The following SP7 variants were observed in gnomAD, a reference collection of about 807,000 sequenced individuals.
SP7 encodes transcription factor Sp7.
In SP7, 13 loss-of-function variants were observed where a neutral mutation model predicts 27.9. The observed-to-expected ratio is 0.47, with a 90% CI of 0.30 to 0.74. SP7 has a LOEUF of 0.74. Among genes scored for constraint, SP7 ranks in the 30% least tolerant of loss-of-function variants. The pLI is 0.06. For missense variants in SP7, 525 were observed against 558.0 expected, an observed-to-expected ratio of 0.94 and a Z score of 0.60; for synonymous variants, 219 against 226.7, an observed-to-expected ratio of 0.97 and a Z score of 0.31.
At chr12:53,342,913 A>G (rs1944835960) in intron 1 of SP7, among the ~76,000 whole-genome samples, 1 of 151,904 alleles carries the variant, frequency 6.6e-6, no homozygotes, top group Middle Eastern at 3.4e-3. Context: ...AATCTAAGCC[A>G]GTGTTGGGGG....
intron 1 of SP7, among the ~76,000 whole-genome samples, chr12:53,343,332 C>G (rs541712943): frequency 6.6e-6 from 1 of 152,212 alleles, no homozygotes; most frequent in South Asian, 2.1e-4. Context: ...AAGTTCTAAT[C>G]AGCTATGCAA....
At chr12:53,329,941 C>T (rs1006897428) in intron 2 of SP7, among the ~76,000 whole-genome samples, 1 of 152,150 alleles carries the variant, frequency 6.6e-6, no homozygotes, top group African/African-American at 2.4e-5. Flanking sequence ...GCCATGTTGA[C>T]CAGACTGGTC....
At chr12:53,332,555 G>C (rs1345873499) in intron 2 of SP7, among the ~76,000 whole-genome samples, 2 of 152,076 alleles carry the variant, frequency 1.3e-5, no homozygotes, top group Non-Finnish European at 2.9e-5. Flanking sequence ...TGCAGCCTGG[G>C]CAACACAGCA....
At position 53,326,866 on chromosome 12, in the gene SP7, T is replaced by C. The variant is rs533217329; in HGVS notation, c.*1280A>G. ...CCTCTGTCCTCCTAGCTCTTTAAGT[T>C]CTTTCTCAGGGCTTCTAGGCACCAG... On this transcript the variant is annotated 3_prime_UTR_variant, in exon 3 of 3. Coordinates refer to ENST00000536324, the MANE Select transcript of SP7 (RefSeq NM_001173467.3). 2 of 152,408 alleles carry C rather than the reference T, an allele frequency of 1.3e-5. No homozygotes were observed. The highest frequency in any genetic ancestry group is 1.3e-4 in the Admixed American group (2 of 15,302). 9.4% of individuals were successfully genotyped at this position (152,408 alleles called of 1,614,324 possible).
intron 1 of SP7, among the ~76,000 whole-genome samples, chr12:53,343,052 T>TA (rs1274372331): frequency 6.6e-6 from 1 of 151,220 alleles, no homozygotes; most frequent in Admixed American, 6.6e-5. Context: ...TCCCAGCACT[T>TA]TGGGAGGCTG....
chr12:53,342,369 C>G (rs1443383741), intron 1 of SP7, among the ~76,000 whole-genome samples: 1 of 152,246 alleles, frequency 6.6e-6, no homozygotes, highest in Non-Finnish European at 1.5e-5. Flanking sequence ...AAAGAACATT[C>G]TTTCATTCAA....
Position 53,328,230 on chromosome 12 carries a change from C to G in SP7, c.1212G>C (p.Gln404His), listed in dbSNP as rs2136833254. The change falls in exon 3 of 3, where the codon CAG becomes CAC. Residue 404 changes from glutamine (Q) to histidine (H), a missense_variant. Coordinates refer to ENST00000536324, the MANE Select transcript of SP7 (RefSeq NM_001173467.3). This position sits in a 1 kb window ranked among gnomAD's most constrained non-coding sequence, Gnocchi z 5.1. ...GRSTGEEEAS[Q>H]TPRPSASPAT... ...CTGGCGAGGCAGAAGGTCGGGGCGTCTGACTGGCCTCCTCTTCCCCCGTGC... is the reference window on the plus strand; with the variant it reads ...CTGGCGAGGCAGAAGGTCGGGGCGTGTGACTGGCCTCCTCTTCCCCCGTGC... The G allele has an allele frequency of 6.2e-7, 1 of 1,613,142 alleles. No individual in the cohort carries two copies. The highest frequency in any genetic ancestry group is 8.5e-7 in the Non-Finnish European group (1 of 1,179,576).
chr12:53,343,377 A>G (rs1048180103), intron 1 of SP7, among the ~76,000 whole-genome samples: 1 of 152,142 alleles, frequency 6.6e-6, no homozygotes, highest in Non-Finnish European at 1.5e-5. Context: ...AATATATGAG[A>G]ATACTCGTAT....
chr12:53,328,748 TG>T lies in SP7; in HGVS notation c.693del (p.Lys232ArgfsTer9). The stretch of plus-strand genomic sequence containing the variant: ...AGCTGCCCACTATTTCCCACTGCCT[TG>T]GGTTTATAGACATCTTGGGGCAAGA... ...QHVLPQDVYKPKAVGNSGQLE... is the reference protein window; with the variant it reads ...QHVLPQDVYKXKAVGNSGQLE... On this transcript the variant is annotated frameshift_variant, in exon 3 of 3. Coordinates refer to ENST00000536324, the MANE Select transcript of SP7 (RefSeq NM_001173467.3). LOFTEE classifies it high-confidence loss of function. This position sits in a 1 kb window ranked among gnomAD's most constrained non-coding sequence, Gnocchi z 5.1. The T allele has an allele frequency of 1.2e-6, 2 of 1,606,602 alleles. No homozygotes were observed. The highest frequency in any genetic ancestry group is 8.5e-7 in the Non-Finnish European group (1 of 1,174,584).
upstream of SP7, among the ~76,000 whole-genome samples, chr12:53,337,694 C>T (rs771322560): frequency 6.6e-5 from 10 of 152,088 alleles, 1 homozygote; most frequent in South Asian, 1.0e-3. Context: ...TGGAGGTCCA[C>T]GGAGGGTTGC....
At position 53,335,175 on chromosome 12, in the gene SP7, C is replaced by T. The variant is rs562593513; in HGVS notation, c.21+451G>A. On this transcript the variant is annotated intron_variant, in intron 2 of 2. Coordinates refer to ENST00000536324, the MANE Select transcript of SP7 (RefSeq NM_001173467.3). ...TGTCTGGGCTACGAGTCCCAGGAGA[C>T]GGGACCCCTAAAGAGCTATACCCAG... Among the ~76,000 whole-genome samples, 53 of 152,170 alleles carry T rather than the reference C, an allele frequency of 3.5e-4. 1 individual carries two copies. Among genetic ancestry groups the T allele is most frequent in the African/African-American group, 9.6e-4 (40 of 41,528 alleles).
chr12:53,328,591 G>C lies in SP7; in HGVS notation c.851C>G (p.Ala284Gly). ...GGGCTTCTTCCGCAGCCCAGCCGCT[G>C]CTGCTCCCAGCCGCTCTAGCTCCTG... ...NCQELERLGA[A>G]AAGLRKKPIH... Residue 284 changes from alanine to glycine, a missense_variant, in exon 3 of 3, where the codon GCA (alanine) becomes GGA (glycine). Ala to Gly is a moderately conservative substitution (Grantham distance 60). Transcript: ENST00000536324. This position sits in a 1 kb window ranked among gnomAD's most constrained non-coding sequence, Gnocchi z 5.1. 6.2e-7 allele frequency: 1 copy of C among 1,609,384 alleles called. No individual in the cohort carries two copies. The highest frequency in any genetic ancestry group is 8.5e-7 in the Non-Finnish European group (1 of 1,176,796).
chr12:53,337,078 A>G (rs549655552), upstream of SP7, among the ~76,000 whole-genome samples: 98 of 152,258 alleles, frequency 6.4e-4, 1 homozygote, highest in Admixed American at 1.8e-3. Flanking sequence ...GCCGACACCT[A>G]ACCTCTTTGG....
At chr12:53,341,069 A>C (rs969691267), upstream of SP7, among the ~76,000 whole-genome samples, 2 of 152,210 alleles carry the variant, frequency 1.3e-5, no homozygotes, top group Non-Finnish European at 2.9e-5. Flanking sequence ...AGCTTTTAAG[A>C]GGCTGGCAAC....
At chr12:53,329,762 G>A (rs1308342232) in intron 2 of SP7, among the ~76,000 whole-genome samples, 1 of 151,918 alleles carries the variant, frequency 6.6e-6, no homozygotes, top group Non-Finnish European at 1.5e-5. Context: ...ATGGAGTCTC[G>A]CTGTTGTCGC....
Position 53,335,712 on chromosome 12 carries a change from G to GT in SP7, c.-47-20_-47-19insA, listed in dbSNP as rs1466565239. On this transcript the variant is annotated intron_variant, in intron 1 of 2. Coordinates refer to ENST00000536324, the MANE Select transcript of SP7 (RefSeq NM_001173467.3). Reference sequence around the variant, plus strand: ...GAGAGAGCTGAGCCGGGGGGTGGGGGGGGTAGAGAGAGAAAAGGGAGAGGG... The same window carrying GT: ...GAGAGAGCTGAGCCGGGGGGTGGGGGTGGGTAGAGAGAGAAAAGGGAGAGGG... 7.4e-7 allele frequency: 1 copy of GT among 1,355,290 alleles called. No individual in the cohort carries two copies. The highest frequency in any genetic ancestry group is 1.5e-5 in the African/African-American group (1 of 66,332). The allele number at this position is 1,355,290 out of a possible 1,614,324, so 84.0% of individuals were successfully genotyped here.
chr12:53,326,732 G>A lies in SP7; in HGVS notation c.*1414C>T, dbSNP rs529062157. The A allele has an allele frequency of 2.6e-5, 4 of 152,658 alleles. No individual in the cohort carries two copies. The South Asian group carries it at 6.2e-4, about 24-fold the overall frequency. The allele number at this position is 152,658 out of a possible 1,614,324, so 9.5% of individuals were successfully genotyped here. ...AGGGGACAGAAAAGGAGGATCCAACGTTACAGGAAAGGCACGAAGCGGCTT... is the reference window on the plus strand; with the variant it reads ...AGGGGACAGAAAAGGAGGATCCAACATTACAGGAAAGGCACGAAGCGGCTT... On this transcript the variant is annotated 3_prime_UTR_variant, in exon 3 of 3. Coordinates refer to ENST00000536324, the MANE Select transcript of SP7 (RefSeq NM_001173467.3).
chr12:53,338,106 CGGAGGA>C (rs56061756), upstream of SP7, among the ~76,000 whole-genome samples: 2,375 of 136,250 alleles, frequency 0.017, 62 homozygotes, highest in African/African-American at 0.06. Flanking sequence ...TAGCCAGGTC[CGGAGGA>C]GGAGGAGGAG....
intron 2 of SP7, among the ~76,000 whole-genome samples, chr12:53,333,083 G>A (rs1408212282): frequency 1.3e-5 from 2 of 152,174 alleles, no homozygotes; most frequent in African/African-American, 2.4e-5. Flanking sequence ...GAGGGCCCTC[G>A]AGGGCAGGGA....
Sources: gnomAD v4.1 joint callset for allele counts (sites outside exome capture counted in the v4.1 genomes callset) on GRCh38, gnomAD v4.1.1 for gene constraint, Gnocchi (gnomAD v3.1) non-coding constraint, MANE v1.5 for transcripts, NCBI Gene and HGNC (gene_info 2026-07-23, HGNC 2026-07-21) for gene names.